Variants in GOLGA8R observed in about 807,000 individuals in gnomAD.
GOLGA8R encodes golgin subfamily A member 8R.
In GOLGA8R, 6 loss-of-function variants were observed where a neutral mutation model predicts 21.4. The ratio of observed to expected loss-of-function variants is 0.28; its 90% CI spans 0.15 to 0.55. GOLGA8R has a LOEUF of 0.55. Ranked by LOEUF, GOLGA8R falls within the 20% of genes least tolerant of loss-of-function variation. GOLGA8R has a pLI of 0.94. For missense variants in GOLGA8R, 41 were observed against 139.9 expected (o/e 0.29, Z 3.57); for synonymous variants, 8 against 49.3 (o/e 0.16, Z 3.51).
At chr15:30,407,730 T>C (rs1411920791) in intron 11 of GOLGA8R, among the ~76,000 whole-genome samples, 178 bp downstream of exon 11, 1 of 152,270 alleles carries the variant, frequency 6.6e-6, no homozygotes, top group Non-Finnish European at 1.5e-5. Flanking sequence ...TCTTTGCTGA[T>C]GGGGACACTG....
intron 11 of GOLGA8R, 114 bp from the exon 12 acceptor site, chr15:30,407,645 C>G (rs907440354): frequency 8.0e-7 from 1 of 1,242,440 alleles, no homozygotes; most frequent in Non-Finnish European, 1.1e-6. Context: ...CTAATGATTC[C>G]TCGCACCCAG....
Position 30,407,823 on chromosome 15 carries a change from C to T in GOLGA8R, c.871+85G>A, listed in dbSNP as rs2059096347. On this transcript the variant is annotated intron_variant, in intron 11 of 18. Transcript: ENST00000327271. ...CCCTCTGCCTCAAAGCCCTTCCATC[C>T]ACCCACCTCCCTGGGGCACTCTAAG... The T allele has an allele frequency of 9.0e-6, 14 of 1,553,944 alleles. No homozygotes were observed. In the South Asian group the frequency reaches 1.3e-4, roughly 15 times the overall value.
intron 11 of GOLGA8R, among the ~76,000 whole-genome samples, 161 bp from the exon 12 acceptor site, chr15:30,407,692 A>C (rs2140912353): frequency 6.6e-6 from 1 of 152,376 alleles, no homozygotes; most frequent in South Asian, 2.1e-4. Flanking sequence ...TCAGAGAAAG[A>C]GCACTGCGGG....
rs780017528 is a variant in GOLGA8R at position 30,407,915 on chromosome 15, G to A, written c.864C>T (p.Asn288=). 5 of 1,610,922 alleles carry A rather than the reference G, an allele frequency of 3.1e-6. No individual in the cohort carries two copies. In the African/African-American group the frequency reaches 4.0e-5, roughly 13 times the overall value. The part of the protein sequence containing the change: ...QLEWSLSKLK[N]QTAEPLPPEP... Reference sequence around the variant, plus strand: ...ATGCCAGCCCCATCTTACCCGTCTGGTTTTTGAGTTTGGACAAGCTCCACT... The same window carrying A: ...ATGCCAGCCCCATCTTACCCGTCTGATTTTTGAGTTTGGACAAGCTCCACT... Residue 288 remains asparagine, a synonymous_variant, in exon 11 of 19, where the codon AAC becomes AAT. Coordinates refer to ENST00000327271, the MANE Select transcript of GOLGA8R (RefSeq NM_001282484.1).
At position 30,403,008 on chromosome 15, in the gene GOLGA8R, G is replaced by C. The variant is rs1008022458; in HGVS notation, c.*732C>G. On this transcript the variant is annotated 3_prime_UTR_variant, in exon 19 of 19. Transcript: ENST00000327271. ...AGCCCAGAGCACATACAAATCCTAA[G>C]GGAACCACCATAATACACTGCTAAT... Among the ~76,000 whole-genome samples the C allele has an allele frequency of 3.0e-4, 39 of 130,726 alleles. 9 individuals carry two copies. The highest frequency in any genetic ancestry group is 5.3e-4 in the Non-Finnish European group (32 of 60,082). 85.8% of individuals were successfully genotyped at this position (130,726 alleles called of 152,430 possible). A position where few individuals can be genotyped will look rare whatever the true frequency, so the allele number is the denominator to read the frequency against.
In GOLGA8R at chr15:30,407,949, T is replaced by C; in HGVS notation, c.830A>G (p.Glu277Gly). 1 of 1,606,450 alleles carries C rather than the reference T, an allele frequency of 6.2e-7. No homozygotes were observed. Among genetic ancestry groups the C allele is most frequent in the South Asian group, 1.1e-5 (1 of 90,956 alleles). The change falls in exon 11 of 19, where the codon GAG (glutamate) becomes GGG (glycine). Residue 277 changes from glutamate (E) to glycine (G), a missense_variant. Physicochemically the swap from Glu to Gly is moderately conservative, Grantham distance 98. Around this residue, in one of 3 missense-constraint regions of GOLGA8R, gnomAD observed 38 missense variants for 32.6 expected, o/e 1.17. Transcript: ENST00000327271. ...KKEKQDMRWV[E>G]QLEWSLSKLK... Reference sequence around the variant, plus strand: ...TTTGGACAAGCTCCACTCCAGCTGCTCTACCCAACGCATATCCTGCTTCTC... The same window carrying C: ...TTTGGACAAGCTCCACTCCAGCTGCCCTACCCAACGCATATCCTGCTTCTC...
At chr15:30,407,733 G>A (rs1481485787) in intron 11 of GOLGA8R, among the ~76,000 whole-genome samples, 175 bp downstream of exon 11, 8 of 152,256 alleles carry the variant, frequency 5.3e-5, no homozygotes, top group Non-Finnish European at 1.0e-4. Flanking sequence ...TTGCTGATGG[G>A]GACACTGAGA....
At chr15:30,408,043 G>C (rs571078183) in intron 10 of GOLGA8R, 51 bp from the exon 11 acceptor site, 124 of 1,608,800 alleles carry the variant, frequency 7.7e-5, no homozygotes, top group Middle Eastern at 5.0e-4. Flanking sequence ...CTGGTGGCTG[G>C]ACAGGCTGCC....
intron 2 of GOLGA8R, chr15:30,411,964 G>C: frequency 6.5e-6 from 1 of 154,018 alleles, no homozygotes; most frequent in South Asian, 7.5e-5. Flanking sequence ...TCTGTCACCA[G>C]GCTGGAGTGC....
Position 30,402,729 on chromosome 15 carries a change from T to C in GOLGA8R, c.*1011A>G, listed in dbSNP as rs1369318651. Reference sequence around the variant, plus strand: ...ATTTGAACTCGTAAAGGATTTCTTATGATCTTCACTAAATACATTAAGAAG... The same window carrying C: ...ATTTGAACTCGTAAAGGATTTCTTACGATCTTCACTAAATACATTAAGAAG... On this transcript the variant is annotated 3_prime_UTR_variant, in exon 19 of 19. Transcript: ENST00000327271. Among the ~76,000 whole-genome samples the C allele has an allele frequency of 1.8e-5, 1 of 54,178 alleles. No homozygotes were observed. 35.5% of individuals were successfully genotyped at this position (54,178 alleles called of 152,430 possible).
At position 30,402,895 on chromosome 15, in the gene GOLGA8R, G is replaced by T. The variant is rs914204009; in HGVS notation, c.*845C>A. Among the ~76,000 whole-genome samples, 8 of 117,934 alleles carry T rather than the reference G, an allele frequency of 6.8e-5. 1 individual carries two copies. Among genetic ancestry groups the T allele is most frequent in the Admixed American group, 6.2e-4 (7 of 11,342 alleles). The allele number at this position is 117,934 out of a possible 152,430, so 77.4% of individuals were successfully genotyped here. ...GTTTTCCACATCCACAGTCAACGAT[G>T]GGAACCTTTCATTCCTCAGAAATAA... is the stretch of plus-strand genomic sequence containing the variant. On this transcript the variant is annotated 3_prime_UTR_variant, in exon 19 of 19. Transcript: ENST00000327271.
Position 30,402,805 on chromosome 15 carries a change from AAACAGGT to A in GOLGA8R, c.*928_*934del, listed in dbSNP as rs1248610463. On this transcript the variant is annotated 3_prime_UTR_variant, in exon 19 of 19. Transcript: ENST00000327271. ...ACTGGGGCATGTAGTCATGTGATTA[AAACAGGT>A]AACATGAACTCTGACTTTAAAATGT... Among the ~76,000 whole-genome samples the A allele has an allele frequency of 1.3e-5, 1 of 79,014 alleles. No individual in the cohort carries two copies. Among genetic ancestry groups the A allele is most frequent in the Admixed American group, 1.4e-4 (1 of 7,202 alleles). 51.8% of individuals were successfully genotyped at this position (79,014 alleles called of 152,430 possible).
At position 30,407,862 on chromosome 15, in the gene GOLGA8R, C is replaced by A. The variant is rs776896127; in HGVS notation, c.871+46G>T. 9 of 1,587,620 alleles carry A rather than the reference C, an allele frequency of 5.7e-6. No homozygotes were observed. In the South Asian group the frequency reaches 9.9e-5, roughly 18 times the overall value. On this transcript the variant is annotated intron_variant, in intron 11 of 18. Coordinates refer to ENST00000327271, the MANE Select transcript of GOLGA8R (RefSeq NM_001282484.1). The stretch of plus-strand genomic sequence containing the variant: ...GGGCACTCTAAGCCACCCTCACAGC[C>A]CTCTGATGCCAGTCCTGCTCCCAGG...
rs1405378089 is a variant in GOLGA8R, at chr15:30,402,869, G to C, written c.*871C>G. Among the ~76,000 whole-genome samples the C allele has an allele frequency of 1.8e-5, 2 of 109,810 alleles. 1 individual carries two copies. The highest frequency in any genetic ancestry group is 3.9e-5 in the Non-Finnish European group (2 of 51,758). 72.0% of individuals were successfully genotyped at this position (109,810 alleles called of 152,430 possible). A position where few individuals can be genotyped will look rare whatever the true frequency, so the allele number is the denominator to read the frequency against. ...GATACAAATGCTCTAAGCTAGGAAA[G>C]GTTTTCCACATCCACAGTCAACGAT... On this transcript the variant is annotated 3_prime_UTR_variant, in exon 19 of 19. Transcript: ENST00000327271.
Position 30,400,603 on chromosome 15 carries a change from G to C in GOLGA8R, c.*3137C>G, listed in dbSNP as rs1357550723. ...ATTACATTACAGTGGCATCACACCA[G>C]CAGTCAATAAGGCCACTCTAGGGAA... On this transcript the variant is annotated 3_prime_UTR_variant, in exon 19 of 19. Coordinates refer to ENST00000327271, the MANE Select transcript of GOLGA8R (RefSeq NM_001282484.1). Among the ~76,000 whole-genome samples the C allele has an allele frequency of 8.0e-5, 2 of 24,872 alleles. No individual in the cohort carries two copies. The highest frequency in any genetic ancestry group is 2.6e-4 in the African/African-American group (2 of 7,636). 16.3% of individuals were successfully genotyped at this position (24,872 alleles called of 152,430 possible).
intron 5 of GOLGA8R, 124 bp from the exon 6 acceptor site, chr15:30,410,090 G>GCC (rs1312575052): frequency 1.6e-6 from 1 of 615,046 alleles, no homozygotes; most frequent in Admixed American, 2.9e-5. Flanking sequence ...GTTATCAGGG[G>GCC]CCCTGTGGGG....
rs540303204 is a variant in GOLGA8R at position 30,407,904 on chromosome 15, T to C, written c.871+4A>G. 440 of 1,611,640 alleles carry C rather than the reference T, an allele frequency of 2.7e-4. No individual in the cohort carries two copies. Among genetic ancestry groups the C allele is most frequent in the Non-Finnish European group, 3.4e-4 (402 of 1,177,874 alleles). On this transcript the variant is annotated splice_donor_region_variant and intron_variant, in intron 11 of 18. Transcript: ENST00000327271. ...GCTCCCAGGTCATGCCAGCCCCATCTTACCCGTCTGGTTTTTGAGTTTGGA... is the reference window on the plus strand; with the variant it reads ...GCTCCCAGGTCATGCCAGCCCCATCCTACCCGTCTGGTTTTTGAGTTTGGA...
intron 4 of GOLGA8R, 184 bp downstream of exon 4, chr15:30,410,933 CAA>C (rs1170171753): frequency 0.27 from 4,817 of 18,170 alleles, 25 homozygotes; most frequent in Middle Eastern, 0.36. Context: ...AGAGAGTCGG[CAA>C]AGAGGGCAGC....
In GOLGA8R at chr15:30,407,861, C is replaced by A. The variant is rs577829230; in HGVS notation, c.871+47G>T. The A allele has an allele frequency of 3.2e-6, 5 of 1,585,860 alleles. No individual in the cohort carries two copies. The Admixed American group carries it at 5.0e-5, about 16-fold the overall frequency. On this transcript the variant is annotated intron_variant, in intron 11 of 18. Transcript: ENST00000327271. ...GGGGCACTCTAAGCCACCCTCACAG[C>A]CCTCTGATGCCAGTCCTGCTCCCAG...
Sources: gnomAD v4.1 joint callset for allele counts (sites outside exome capture counted in the v4.1 genomes callset) on GRCh38, gnomAD v4.1.1 for gene constraint, gnomAD v4.1.1 regional missense constraint, MANE v1.5 for transcripts, NCBI Gene and HGNC (gene_info 2026-07-23, HGNC 2026-07-21) for gene names.